The following ABCB9 variants were observed in gnomAD, a reference collection of about 807,000 sequenced individuals.
ABCB9 encodes the protein ABC-type oligopeptide transporter ABCB9.
A neutral mutation model predicts 62.0 loss-of-function variants in ABCB9; 36 were observed. The observed-to-expected ratio is 0.58, with a 90% confidence interval of 0.45 to 0.77. ABCB9 has a LOEUF of 0.77. Among genes scored for constraint, ABCB9 ranks in the 30% least tolerant of loss-of-function variants. ABCB9 has a pLI of 0.00. For synonymous variants in ABCB9, 435 were observed against 461.4 expected (o/e 0.94, Z 0.73); for missense variants, 943 against 1,054.7 (o/e 0.89, Z 1.47).
At chr12:122,920,913 TA>T (rs57504429), downstream of ABCB9, 25,493 of 995,902 alleles carry the variant, frequency 0.026, 1,465 homozygotes, top group African/African-American at 0.22. Context: ...ACCCCTGTCT[TA>T]AAAAAAAAAT....
chr12:122,934,427 G>T (rs1413417248), intron 10 of ABCB9, among the ~76,000 whole-genome samples: 1 of 151,876 alleles, frequency 6.6e-6, no homozygotes, highest in Non-Finnish European at 1.5e-5. Context: ...GGATACAATG[G>T]CTCATGCCTG....
intron 1 of ABCB9, among the ~76,000 whole-genome samples, chr12:122,965,317 C>T (rs146781831): frequency 1.5e-3 from 235 of 152,356 alleles, no homozygotes; most frequent in African/African-American, 5.3e-3. Context: ...CCTCGGTTCA[C>T]CCCTGACATG....
chr12:122,934,346 C>A, intron 10 of ABCB9, among the ~76,000 whole-genome samples: 1 of 152,136 alleles, frequency 6.6e-6, no homozygotes, highest in Non-Finnish European at 1.5e-5. Flanking sequence ...CCCAACCCCC[C>A]TATACATTGT....
chr12:122,972,304 C>T (rs770783749), intron 1 of ABCB9, among the ~76,000 whole-genome samples: 2 of 152,124 alleles, frequency 1.3e-5, no homozygotes, highest in South Asian at 4.1e-4. Flanking sequence ...TAAGCCATGG[C>T]GCCTGGCCTC....
chr12:122,967,894 G>T (rs2037220985), upstream of ABCB9, among the ~76,000 whole-genome samples: 1 of 151,530 alleles, frequency 6.6e-6, no homozygotes, highest in African/African-American at 2.4e-5. Context: ...ACAACACTAT[G>T]TTTTTTTTTA....
At chr12:122,924,944 T>C (rs1002356008), downstream of ABCB9, 1 of 934,818 alleles carries the variant, frequency 1.1e-6, no homozygotes, top group Non-Finnish European at 1.6e-6. Flanking sequence ...TGAGACAGAG[T>C]CTCACTCTGT....
Position 122,960,265 on chromosome 12 carries a change from A to T in ABCB9, c.-30T>A, listed in dbSNP as rs2036825676. On this transcript the variant is annotated 5_prime_UTR_variant, in exon 2 of 12. Coordinates refer to ENST00000280560, the MANE Select transcript of ABCB9 (RefSeq NM_019625.4). Reference sequence around the variant, plus strand: ...CTGGTTGGAGGTGGGCGGGTGCTGAAGGCCAGGTTGTAGCTCACGGGGGCA... The same window carrying T: ...CTGGTTGGAGGTGGGCGGGTGCTGATGGCCAGGTTGTAGCTCACGGGGGCA... 3.1e-6 allele frequency: 5 copies of T among 1,598,560 alleles called. No individual in the cohort carries two copies. Among genetic ancestry groups the T allele is most frequent in the Non-Finnish European group, 4.3e-6 (5 of 1,170,998 alleles).
chr12:122,926,031 G>A (rs563622469), downstream of ABCB9, among the ~76,000 whole-genome samples: 25 of 152,302 alleles, frequency 1.6e-4, no homozygotes, highest in Admixed American at 1.6e-3. Flanking sequence ...AAAGGCCAGA[G>A]GGGCCAATCT....
intron 1 of ABCB9, among the ~76,000 whole-genome samples, chr12:122,971,744 G>A (rs545239082): frequency 6.6e-6 from 1 of 152,000 alleles, no homozygotes; most frequent in Non-Finnish European, 1.5e-5. Context: ...GAGCCACTGC[G>A]CCCAGCCAAA....
At chr12:122,969,997 G>T (rs2037252556), upstream of ABCB9, among the ~76,000 whole-genome samples, 1 of 152,040 alleles carries the variant, frequency 6.6e-6, no homozygotes, top group East Asian at 1.9e-4. Context: ...ACATGATCAG[G>T]CAATCACACT....
chr12:122,963,804 G>A (rs2037034927), intron 1 of ABCB9, among the ~76,000 whole-genome samples: 1 of 152,188 alleles, frequency 6.6e-6, no homozygotes, highest in South Asian at 2.1e-4. Context: ...AGAGATGACA[G>A]TTGCTTAGTC....
intron 10 of ABCB9, among the ~76,000 whole-genome samples, chr12:122,933,455 G>A (rs987464081): frequency 7.2e-5 from 11 of 151,984 alleles, no homozygotes; most frequent in Non-Finnish European, 1.2e-4. Context: ...TCGGGAGGCC[G>A]AGGCAAGAGA....
At chr12:122,974,659 A>T (rs899160782) in intron 1 of ABCB9, 5 of 152,114 alleles carry the variant, frequency 3.3e-5, no homozygotes, top group African/African-American at 9.7e-5. Flanking sequence ...TCCCGCGTCC[A>T]TTGGGAACGC....
Position 122,944,273 on chromosome 12 carries a change from C to T in ABCB9, c.1380+118G>A. On this transcript the variant is annotated intron_variant, in intron 7 of 11. Coordinates refer to ENST00000280560, the MANE Select transcript of ABCB9 (RefSeq NM_019625.4). This position sits in a 1 kb window ranked among gnomAD's most constrained non-coding sequence, Gnocchi z 4.9. ...ATGATCATGCTGTCTCCCCTACTTA[C>T]CTTAGAGAGAAATACCACATTGTCA... is the stretch of plus-strand genomic sequence containing the variant. The T allele has an allele frequency of 7.0e-7, 1 of 1,432,788 alleles. No homozygotes were observed. The highest frequency in any genetic ancestry group is 1.3e-5 in the South Asian group (1 of 75,912). The allele number at this position is 1,432,788 out of a possible 1,614,324, so 88.8% of individuals were successfully genotyped here.
Position 122,930,270 on chromosome 12 carries a change from G to A in ABCB9, c.2041-99C>T. On this transcript the variant is annotated intron_variant, in intron 11 of 11. Coordinates refer to ENST00000280560, the MANE Select transcript of ABCB9 (RefSeq NM_019625.4). This position sits in a 1 kb window ranked among gnomAD's most constrained non-coding sequence, Gnocchi z 4.9. ...ATGGGCTGATGCTTAACCTCTCTGA[G>A]GCTCAGTTCACAAACGATGGCCAGC... The A allele has an allele frequency of 7.3e-6, 9 of 1,239,880 alleles. No homozygotes were observed. Among genetic ancestry groups the A allele is most frequent in the Non-Finnish European group, 9.9e-6 (9 of 911,432 alleles). 76.8% of individuals were successfully genotyped at this position (1,239,880 alleles called of 1,614,324 possible).
chr12:122,938,806 C>A (rs544799124), intron 9 of ABCB9, among the ~76,000 whole-genome samples: 3 of 151,188 alleles, frequency 2.0e-5, no homozygotes, highest in East Asian at 1.9e-4. Flanking sequence ...CCAGCCTGGG[C>A]GACAGAGCGA....
Position 122,948,707 on chromosome 12 carries a change from G to C in ABCB9, c.970C>G (p.Leu324Val). The change falls in exon 5 of 12, where the codon CTC (leucine) becomes GTC (valine). Residue 324 changes from leucine (L) to valine (V), a missense_variant. Coordinates refer to ENST00000280560, the MANE Select transcript of ABCB9 (RefSeq NM_019625.4). ...GTGACCAAGGAGAGCTGCCATGAGAGGCTGAACATGAAGACCACCACGCCC... is the reference window on the plus strand; with the variant it reads ...GTGACCAAGGAGAGCTGCCATGAGACGCTGAACATGAAGACCACCACGCCC... Reference protein sequence around the residue: ...VTGVVVFMFSLSWQLSLVTFM... With the variant: ...VTGVVVFMFSVSWQLSLVTFM... 1.2e-6 allele frequency: 2 copies of C among 1,614,116 alleles called. No homozygotes were observed. The highest frequency in any genetic ancestry group is 1.1e-5 in the South Asian group (1 of 91,080).
At chr12:122,938,752 C>T (rs955561748) in intron 9 of ABCB9, among the ~76,000 whole-genome samples, 10 of 151,878 alleles carry the variant, frequency 6.6e-5, no homozygotes, top group Admixed American at 5.9e-4. Context: ...GGCGTGAACC[C>T]GGGAGGTGGA....
chr12:122,962,368 C>G (rs1371053040), intron 1 of ABCB9, among the ~76,000 whole-genome samples: 1 of 152,144 alleles, frequency 6.6e-6, no homozygotes, highest in African/African-American at 2.4e-5. Context: ...TCTAGATCCC[C>G]CAAGAGGAGG....
Sources: allele counts gnomAD v4.1 joint callset (sites outside exome capture counted in the v4.1 genomes callset), GRCh38; gene constraint gnomAD v4.1.1; non-coding constraint Gnocchi (gnomAD v3.1); transcripts MANE v1.5; gene names NCBI Gene and HGNC (gene_info 2026-07-23, HGNC 2026-07-21).